ELOVL7: variants seen among roughly 807,000 people sequenced by gnomAD.
ELOVL7 encodes the protein ELOVL fatty acid elongase 7.
ELOVL7 carries 27 observed loss-of-function variants against 35.7 expected under a neutral mutation model. That is an observed-to-expected ratio of 0.76 (90% CI 0.56 to 1.04). The LOEUF is 1.04. Ranked by LOEUF, ELOVL7 falls within the 50% of genes least tolerant of loss-of-function variation. The pLI is 0.00. For missense variants in ELOVL7, 327 were observed against 340.8 expected (o/e 0.96, Z 0.32); for synonymous variants, 113 against 114.6 (o/e 0.99, Z 0.09).
intron 2 of ELOVL7, among the ~76,000 whole-genome samples, chr5:60,794,154 T>TC (rs1030384363): frequency 2.0e-5 from 3 of 152,228 alleles, no homozygotes; most frequent in African/African-American, 7.2e-5. Context: ...GCCCCATGAA[T>TC]ACTGCTCCTT....
At chr5:60,784,585 CA>C (rs1464731443) in intron 3 of ELOVL7, among the ~76,000 whole-genome samples, 1 of 152,156 alleles carries the variant, frequency 6.6e-6, no homozygotes, top group African/African-American at 2.4e-5. Context: ...CAATGAATAT[CA>C]GTAAGTTTCC....
chr5:60,769,669 C>T (rs1271506477), intron 4 of ELOVL7, among the ~76,000 whole-genome samples: 1 of 152,112 alleles, frequency 6.6e-6, no homozygotes, highest in South Asian at 2.1e-4. Context: ...CTATCAAAAG[C>T]CTTTGTTTAA....
Position 60,764,337 on chromosome 5 carries a change from A to C in ELOVL7, c.394-5T>G. Reference sequence around the variant, plus strand: ...CTTGCGCAGAACAAAAAAGATCTGAAATAATTTAAAGAATATCAAGTTCAC... The same window carrying C: ...CTTGCGCAGAACAAAAAAGATCTGACATAATTTAAAGAATATCAAGTTCAC... On this transcript the variant is annotated splice_region_variant and splice_polypyrimidine_tract_variant and intron_variant, in intron 6 of 8. Transcript: ENST00000508821. The C allele has an allele frequency of 6.3e-7, 1 of 1,595,842 alleles. No individual in the cohort carries two copies. Among genetic ancestry groups the C allele is most frequent in the Non-Finnish European group, 8.6e-7 (1 of 1,163,880 alleles).
chr5:60,810,421 T>C (rs1745176343), intron 1 of ELOVL7, among the ~76,000 whole-genome samples: 1 of 152,366 alleles, frequency 6.6e-6, no homozygotes, highest in Non-Finnish European at 1.5e-5. Flanking sequence ...CTAAGCCCAC[T>C]GCTTATCTAA....
intron 2 of ELOVL7, among the ~76,000 whole-genome samples, chr5:60,789,639 CAT>C (rs1351197218): frequency 1.3e-5 from 2 of 152,154 alleles, no homozygotes; most frequent in African/African-American, 4.8e-5. Context: ...AATACATACA[CAT>C]ATTCAGAAGG....
intron 1 of ELOVL7, among the ~76,000 whole-genome samples, chr5:60,839,026 A>AT (rs201395352): frequency 5.8e-5 from 8 of 137,720 alleles, no homozygotes; most frequent in African/African-American, 2.0e-4. Flanking sequence ...AGTGTCAAAA[A>AT]AAAATATATA....
intron 1 of ELOVL7, among the ~76,000 whole-genome samples, chr5:60,817,116 AT>A (rs1324750664): frequency 6.6e-6 from 1 of 152,168 alleles, no homozygotes; most frequent in African/African-American, 2.4e-5. Context: ...CACTTTAAAT[AT>A]TTATACAGTG....
intron 1 of ELOVL7, among the ~76,000 whole-genome samples, chr5:60,811,003 A>G (rs1745210238): frequency 1.3e-5 from 2 of 152,194 alleles, no homozygotes; most frequent in South Asian, 4.1e-4. Flanking sequence ...TCTGTAAATA[A>G]TTCACATGAC....
At chr5:60,794,772 G>A (rs1266469043) in intron 2 of ELOVL7, among the ~76,000 whole-genome samples, 2 of 152,156 alleles carry the variant, frequency 1.3e-5, no homozygotes, top group Non-Finnish European at 2.9e-5. Context: ...TCAGATATCA[G>A]GGACAAACCT....
chr5:60,802,081 TA>T (rs1744659372), intron 1 of ELOVL7, among the ~76,000 whole-genome samples: 7 of 49,860 alleles, frequency 1.4e-4, no homozygotes, highest in African/African-American at 3.1e-4. Flanking sequence ...TATATATATA[TA>T]TATATATATA....
chr5:60,801,242 C>A (rs1247206277), intron 1 of ELOVL7, among the ~76,000 whole-genome samples: 1 of 152,124 alleles, frequency 6.6e-6, no homozygotes, highest in African/African-American at 2.4e-5. Context: ...CTAGAGGAAT[C>A]TCGGATTTTG....
intron 1 of ELOVL7, among the ~76,000 whole-genome samples, chr5:60,811,345 G>C (rs978354898): frequency 6.6e-6 from 1 of 152,144 alleles, no homozygotes; most frequent in Non-Finnish European, 1.5e-5. Context: ...GGCATTCTAA[G>C]TGTTTCTCTT....
At chr5:60,835,698 C>A (rs913763436) in intron 1 of ELOVL7, among the ~76,000 whole-genome samples, 2 of 152,074 alleles carry the variant, frequency 1.3e-5, no homozygotes, top group African/African-American at 4.8e-5. Context: ...CAGGCGTGAG[C>A]CACTGCACCC....
chr5:60,811,104 T>A (rs1042925667), intron 1 of ELOVL7, among the ~76,000 whole-genome samples: 1 of 152,202 alleles, frequency 6.6e-6, no homozygotes, highest in Non-Finnish European at 1.5e-5. Context: ...TCTCAAAAGA[T>A]CTTCTTTACT....
chr5:60,820,697 G>A (rs182960028), intron 1 of ELOVL7, among the ~76,000 whole-genome samples: 71 of 152,268 alleles, frequency 4.7e-4, no homozygotes, highest in Admixed American at 4.4e-3. Context: ...CTCCCAATGA[G>A]TTGGACCACG....
intron 1 of ELOVL7, among the ~76,000 whole-genome samples, chr5:60,803,346 G>T (rs1744752642): frequency 6.6e-6 from 1 of 152,184 alleles, no homozygotes; most frequent in South Asian, 2.1e-4. Flanking sequence ...CTGTAGCCAT[G>T]ACACAGAGAT....
intron 1 of ELOVL7, among the ~76,000 whole-genome samples, chr5:60,809,496 T>C (rs904368037): frequency 3.9e-5 from 6 of 152,154 alleles, no homozygotes; most frequent in South Asian, 4.1e-4. Context: ...CAATAAAGAG[T>C]TGGACCCAAC....
chr5:60,802,062 A>G (rs1744651015), intron 1 of ELOVL7, among the ~76,000 whole-genome samples: 1 of 1,912 alleles, frequency 5.2e-4, no homozygotes, highest in Non-Finnish European at 1.3e-3. Flanking sequence ...ATAAACTCTC[A>G]TATATATATA....
chr5:60,779,993 G>A (rs1156719210), intron 3 of ELOVL7, among the ~76,000 whole-genome samples: 1 of 151,668 alleles, frequency 6.6e-6, no homozygotes, highest in African/African-American at 2.4e-5. Context: ...ATTTATTCCA[G>A]TTCCCAATAA....
Sources: gnomAD v4.1 joint callset for allele counts (sites outside exome capture counted in the v4.1 genomes callset) on GRCh38, gnomAD v4.1.1 for gene constraint, MANE v1.5 for transcripts, NCBI Gene and HGNC (gene_info 2026-07-23, HGNC 2026-07-21) for gene names.